The following CCN3 variants were observed in gnomAD, a reference collection of about 807,000 sequenced individuals.
CCN3 encodes the protein CCN family member 3.
A neutral mutation model predicts 33.4 loss-of-function variants in CCN3; 20 were observed. The ratio of observed to expected loss-of-function variants is 0.60; its 90% CI spans 0.42 to 0.87. The LOEUF (loss-of-function observed/expected upper bound fraction) is 0.87. Among genes scored for constraint, CCN3 ranks in the 40% least tolerant of loss-of-function variants. The probability of loss-of-function intolerance (pLI) is 0.00; values close to 1 mark genes in which losing one functional copy is unlikely to be tolerated. For missense variants in CCN3, 465 were observed against 455.3 expected, an observed-to-expected ratio of 1.02 and a Z score of -0.19; for synonymous variants, 205 against 170.4, an observed-to-expected ratio of 1.20 and a Z score of -1.58.
Position 119,423,923 on chromosome 8 carries a change from T to C in CCN3, c.*791T>C, listed in dbSNP as rs569964568. On this transcript the variant is annotated 3_prime_UTR_variant, in exon 5 of 5. Transcript: ENST00000259526. ...TTTTTAATTAAGCAGAAACAGCATA[T>C]TAGCAGGGATTCTCTCATCTAACTG... The C allele has an allele frequency of 6.6e-6, 1 of 152,168 alleles. No individual in the cohort carries two copies. The highest frequency in any genetic ancestry group is 1.5e-5 in the Non-Finnish European group (1 of 68,028). The allele number at this position is 152,168 out of a possible 1,614,324, so 9.4% of individuals were successfully genotyped here.
chr8:119,421,511 A>G (rs1478821727), intron 4 of CCN3, among the ~76,000 whole-genome samples: 6 of 152,208 alleles, frequency 3.9e-5, no homozygotes, highest in Non-Finnish European at 8.8e-5. Flanking sequence ...AGATAATTCC[A>G]AGTCTAATCA....
Position 119,416,741 on chromosome 8 carries a change from C to CA in CCN3, c.85-2dup. ...GGTTTCTCCTTGTCTCGCCTGCCTTCAGGTCGCTGCGACTCAGCGCTGCCC... is the reference window on the plus strand; with the variant it reads ...GGTTTCTCCTTGTCTCGCCTGCCTTCAAGGTCGCTGCGACTCAGCGCTGCCC... On this transcript the variant is annotated splice_region_variant and splice_polypyrimidine_tract_variant and intron_variant, in intron 1 of 4. Coordinates refer to ENST00000259526, the MANE Select transcript of CCN3 (RefSeq NM_002514.4). The CA allele has an allele frequency of 6.3e-7, 1 of 1,582,652 alleles. No individual in the cohort carries two copies. The highest frequency in any genetic ancestry group is 8.6e-7 in the Non-Finnish European group (1 of 1,163,742).
chr8:119,417,091 T>C lies in CCN3; in HGVS notation c.310+122T>C, dbSNP rs1820061777. 4 of 848,214 alleles carry C rather than the reference T, an allele frequency of 4.7e-6. No homozygotes were observed. The South Asian group carries it at 7.1e-5, about 15-fold the overall frequency. 52.5% of individuals were successfully genotyped at this position (848,214 alleles called of 1,614,324 possible). A position where few individuals can be genotyped will look rare whatever the true frequency, so the allele number is the denominator to read the frequency against. ...AAGCAAATAATAATAATGCAATAAA[T>C]GACATGTATAGAGCACTTACTGTGT... On this transcript the variant is annotated intron_variant, in intron 2 of 4. Coordinates refer to ENST00000259526, the MANE Select transcript of CCN3 (RefSeq NM_002514.4).
chr8:119,422,040 A>G (rs955242597), intron 4 of CCN3, among the ~76,000 whole-genome samples: 3 of 152,226 alleles, frequency 2.0e-5, no homozygotes, highest in Admixed American at 6.5e-5. Flanking sequence ...TAAAGAAAAG[A>G]TGTGTAATTG....
In CCN3 at chr8:119,416,737, C is replaced by G. The variant is rs771666359; in HGVS notation, c.85-7C>G. 1 of 1,582,050 alleles carries G rather than the reference C, an allele frequency of 6.3e-7. No homozygotes were observed. The highest frequency in any genetic ancestry group is 8.6e-7 in the Non-Finnish European group (1 of 1,163,250). On this transcript the variant is annotated splice_polypyrimidine_tract_variant and splice_region_variant and intron_variant, in intron 1 of 4. Coordinates refer to ENST00000259526, the MANE Select transcript of CCN3 (RefSeq NM_002514.4). ...GAGTGGTTTCTCCTTGTCTCGCCTG[C>G]CTTCAGGTCGCTGCGACTCAGCGCT... is the stretch of plus-strand genomic sequence containing the variant.
chr8:119,419,130 G>A lies in CCN3; in HGVS notation c.563-1G>A. 6.2e-7 allele frequency: 1 copy of A among 1,612,886 alleles called. No individual in the cohort carries two copies. Among genetic ancestry groups the A allele is most frequent in the Non-Finnish European group, 8.5e-7 (1 of 1,179,018 alleles). The stretch of plus-strand genomic sequence containing the variant: ...GCTGTCTTTATTTATACATCCCATA[G>A]CTTACAGGCCAGAAGCCACCCTAGG... On this transcript the variant is annotated splice_acceptor_variant, in intron 3 of 4. Transcript: ENST00000259526. LOFTEE classifies it high-confidence loss of function.
Position 119,416,802 on chromosome 8 carries a change from C to A in CCN3, c.143C>A (p.Pro48Gln). The part of the protein sequence containing the change: ...QCPGRCPATP[P>Q]TCAPGVRAVL... ...CCGGGCCGGTGCCCTGCGACGCCGC[C>A]GACCTGCGCCCCCGGGGTGCGCGCG... Residue 48 changes from proline (P) to glutamine (Q), a missense_variant, in exon 2 of 5, where the codon CCG becomes CAG. Physicochemically the swap from Pro to Gln is moderately conservative, Grantham distance 76 (BLOSUM62 -1). Transcript: ENST00000259526. The A allele has an allele frequency of 6.2e-7, 1 of 1,603,836 alleles. No individual in the cohort carries two copies. The highest frequency in any genetic ancestry group is 8.5e-7 in the Non-Finnish European group (1 of 1,175,472).
Position 119,418,098 on chromosome 8 carries a change from C to T in CCN3, c.351C>T (p.Tyr117=), listed in dbSNP as rs913968312. The change falls in exon 3 of 5, where the codon TAC becomes TAT. Residue 117 remains tyrosine, a synonymous_variant. Coordinates refer to ENST00000259526, the MANE Select transcript of CCN3 (RefSeq NM_002514.4). ...GDNCVFDGVI[Y]RSGEKFQPSC... is the part of the protein sequence containing the mutation. ...ACTGTGTGTTCGATGGGGTCATCTA[C>T]CGCAGTGGAGAGAAATTTCAGCCAA... is the stretch of plus-strand genomic sequence containing the variant. 4 of 1,614,202 alleles carry T rather than the reference C, an allele frequency of 2.5e-6. No homozygotes were observed. Among genetic ancestry groups the T allele is most frequent in the Admixed American group, 1.7e-5 (1 of 60,034 alleles).
chr8:119,418,437 G>C (rs1423089124), intron 3 of CCN3, 128 bp downstream of exon 3: 4 of 1,200,060 alleles, frequency 3.3e-6, no homozygotes, highest in Middle Eastern at 2.9e-4. Flanking sequence ...GTGGGTTTCA[G>C]GTTGCCCACT....
Position 119,418,048 on chromosome 8 carries a change from A to T in CCN3, c.311-10A>T. 6.2e-7 allele frequency: 1 copy of T among 1,605,116 alleles called. No individual in the cohort carries two copies. Among genetic ancestry groups the T allele is most frequent in the Admixed American group, 1.7e-5 (1 of 59,788 alleles). On this transcript the variant is annotated splice_polypyrimidine_tract_variant and intron_variant, in intron 2 of 4. Transcript: ENST00000259526. ...TCTTTGCTTTTCACTTTGCTTCCCCAATATTCTAGCGGTAGAGGGAGATAA... is the reference window on the plus strand; with the variant it reads ...TCTTTGCTTTTCACTTTGCTTCCCCTATATTCTAGCGGTAGAGGGAGATAA...
At chr8:119,418,430 G>A (rs1820082504) in intron 3 of CCN3, 121 bp downstream of exon 3, 2 of 1,296,874 alleles carry the variant, frequency 1.5e-6, no homozygotes, top group East Asian at 2.4e-5. Flanking sequence ...TTCAGTTGTG[G>A]GTTTCAGGTT....
At chr8:119,417,331 C>T (rs992172728) in intron 2 of CCN3, among the ~76,000 whole-genome samples, 5 of 152,178 alleles carry the variant, frequency 3.3e-5, no homozygotes, top group Admixed American at 1.3e-4. Flanking sequence ...TTTACTCACA[C>T]GCTCACAGTT....
At chr8:119,419,925 C>CT (rs1408763715) in intron 4 of CCN3, 3 of 152,802 alleles carry the variant, frequency 2.0e-5, no homozygotes, top group Admixed American at 6.5e-5. Flanking sequence ...CAGCACATAT[C>CT]TTTTTATTTT....
intron 3 of CCN3, among the ~76,000 whole-genome samples, chr8:119,418,552 C>G (rs1253676571): frequency 6.6e-6 from 1 of 152,210 alleles, no homozygotes; most frequent in Non-Finnish European, 1.5e-5. Context: ...CCCAAATTCA[C>G]TCTTTTGTCT....
Position 119,418,091 on chromosome 8 carries a change from T to C in CCN3, c.344T>C (p.Val115Ala), listed in dbSNP as rs1253626510. ...VEGDNCVFDG[V>A]IYRSGEKFQP... The stretch of plus-strand genomic sequence containing the variant: ...GGAGATAACTGTGTGTTCGATGGGG[T>C]CATCTACCGCAGTGGAGAGAAATTT... The change falls in exon 3 of 5, where the codon GTC becomes GCC. Residue 115 changes from valine to alanine, a missense_variant. By Grantham distance (64) the Val-to-Ala change is moderately conservative. Transcript: ENST00000259526. The C allele has an allele frequency of 3.1e-6, 5 of 1,614,002 alleles. No homozygotes were observed. Among genetic ancestry groups the C allele is most frequent in the Middle Eastern group, 1.6e-4 (1 of 6,082 alleles).
Position 119,419,265 on chromosome 8 carries a change from C to T in CCN3, c.697C>T (p.Arg233Cys). The T allele has an allele frequency of 1.9e-6, 3 of 1,614,190 alleles. No individual in the cohort carries two copies. Among genetic ancestry groups the T allele is most frequent in the Non-Finnish European group, 2.5e-6 (3 of 1,180,040 alleles). ...GFSTRVTNRN[R>C]QCEMLKQTRL... is the part of the protein sequence containing the mutation. Reference sequence around the variant, plus strand: ...CTCCACCCGGGTCACCAATAGGAACCGTCAATGTGAGATGCTGAAACAGAC... The same window carrying T: ...CTCCACCCGGGTCACCAATAGGAACTGTCAATGTGAGATGCTGAAACAGAC... Residue 233 changes from arginine to cysteine, a missense_variant, in exon 4 of 5, where the codon CGT becomes TGT. Coordinates refer to ENST00000259526, the MANE Select transcript of CCN3 (RefSeq NM_002514.4).
chr8:119,418,339 C>G lies in CCN3; in HGVS notation c.562+30C>G, dbSNP rs182663570. 8.1e-5 allele frequency: 130 copies of G among 1,609,052 alleles called. 2 individuals are homozygous for G. The Admixed American group carries it at 2.1e-3, about 26-fold the overall frequency. The stretch of plus-strand genomic sequence containing the variant: ...GAAACTCAATATACCTAGGGCTGGT[C>G]ATAGTAGAGGGTAAATACAAACATG... On this transcript the variant is annotated intron_variant, in intron 3 of 4. Transcript: ENST00000259526.
chr8:119,419,247 C>A lies in CCN3; in HGVS notation c.679C>A (p.Arg227=). ...GAGCTGTGGTATGGGGTTCTCCACCCGGGTCACCAATAGGAACCGTCAATG... is the reference window on the plus strand; with the variant it reads ...GAGCTGTGGTATGGGGTTCTCCACCAGGGTCACCAATAGGAACCGTCAATG... ...SKSCGMGFST[R]VTNRNRQCEM... Residue 227 remains arginine, a synonymous_variant, in exon 4 of 5, where the codon CGG becomes AGG. Transcript: ENST00000259526. The A allele has an allele frequency of 6.2e-7, 1 of 1,614,194 alleles. No homozygotes were observed.
In CCN3 at chr8:119,416,589, C is replaced by G. The variant is rs752793977; in HGVS notation, c.57C>G (p.Thr19=). ...FCLRKQCLCL[T]FLLLHLLGQV... ...TCCGAAAGCAGTGCCTTTGCCTGAC[C>G]TTCCTGCTTCTCCATCTCCTGGGAC... The change falls in exon 1 of 5, where the codon ACC becomes ACG. Residue 19 remains threonine, a synonymous_variant. Transcript: ENST00000259526. 4 of 1,613,958 alleles carry G rather than the reference C, an allele frequency of 2.5e-6. No individual in the cohort carries two copies. The highest frequency in any genetic ancestry group is 3.4e-6 in the Non-Finnish European group (4 of 1,179,942).
Sources: gnomAD v4.1 joint callset for allele counts (sites outside exome capture counted in the v4.1 genomes callset) on GRCh38, gnomAD v4.1.1 for gene constraint, MANE v1.5 for transcripts, NCBI Gene and HGNC (gene_info 2026-07-23, HGNC 2026-07-21) for gene names.